CEP57: variants seen among roughly 807,000 people sequenced by gnomAD.
The protein encoded by CEP57 is centrosomal protein 57.
CEP57 carries 40 observed loss-of-function variants against 68.0 expected under a neutral mutation model. The ratio of observed to expected loss-of-function variants is 0.59; its 90% CI spans 0.46 to 0.77. CEP57 has a LOEUF of 0.77. Among genes scored for constraint, CEP57 ranks in the 30% least tolerant of loss-of-function variants. The pLI is 0.00. For synonymous variants in CEP57, 219 were observed against 198.7 expected, an observed-to-expected ratio of 1.10 and a Z score of -0.86; for missense variants, 606 against 580.7, an observed-to-expected ratio of 1.04 and a Z score of -0.45.
At chr11:95,828,115 C>G in intron 9 of CEP57, 88 bp downstream of exon 9, 3 of 1,466,540 alleles carry the variant, frequency 2.0e-6, no homozygotes, top group Admixed American at 2.1e-5. Flanking sequence ...TCTTACTTTC[C>G]TTTGTTGAGC....
chr11:95,824,129 C>T (rs1476454239), intron 8 of CEP57, among the ~76,000 whole-genome samples: 1 of 151,308 alleles, frequency 6.6e-6, no homozygotes, highest in Non-Finnish European at 1.5e-5. Context: ...ACCTGTGGTC[C>T]CAGCTACTCA....
intron 4 of CEP57, 125 bp downstream of exon 4, chr11:95,813,714 G>A: frequency 1.8e-6 from 2 of 1,138,224 alleles, no homozygotes. Context: ...AAATTTCTTG[G>A]CATCAGTTAT....
intron 2 of CEP57, among the ~76,000 whole-genome samples, chr11:95,808,369 A>G (rs2135297711): frequency 6.6e-6 from 1 of 152,342 alleles, no homozygotes; most frequent in South Asian, 2.1e-4. Context: ...ACATAACAAT[A>G]TTAACCTTAA....
At chr11:95,829,445 AC>A in intron 10 of CEP57, 114 bp downstream of exon 10, 1 of 1,082,172 alleles carries the variant, frequency 9.2e-7, no homozygotes, top group Non-Finnish European at 1.4e-6. Context: ...TACAGGAGAT[AC>A]TTCTTTACTG....
At chr11:95,793,551 C>CTT (rs34130166) in intron 1 of CEP57, among the ~76,000 whole-genome samples, 90,349 of 151,840 alleles carry the variant, frequency 0.6, 29,079 homozygotes, top group African/African-American at 0.86. Flanking sequence ...TCATGTTCCT[C>CTT]TGTGTCTTCT....
At chr11:95,794,405 C>A in intron 1 of CEP57, 1 of 443,410 alleles carries the variant, frequency 2.3e-6, no homozygotes. Flanking sequence ...ATTGTTTTAC[C>A]AAGTGATTAT....
rs149993947 is a variant in CEP57, at chr11:95,823,570, T to G, written c.885+994T>G. Among the ~76,000 whole-genome samples the G allele has an allele frequency of 2.1e-3, 322 of 152,016 alleles. 4 individuals carry two copies. The highest frequency in any genetic ancestry group is 7.3e-3 in the African/African-American group (300 of 41,306). ...TACACAAGTTTTTTTTAATTATAAT[T>G]TATCAAAACAATTTGCACACAGACT... On this transcript the variant is annotated intron_variant, in intron 8 of 10. Coordinates refer to ENST00000325542, the MANE Select transcript of CEP57 (RefSeq NM_014679.5).
intron 3 of CEP57, 80 bp from the exon 4 acceptor site, chr11:95,813,388 A>G: frequency 6.5e-7 from 1 of 1,530,090 alleles, no homozygotes; most frequent in Non-Finnish European, 8.9e-7. Flanking sequence ...TATACACAAT[A>G]GATCCAATTC....
At chr11:95,801,747 G>A (rs919509934) in intron 2 of CEP57, among the ~76,000 whole-genome samples, 1 of 151,642 alleles carries the variant, frequency 6.6e-6, no homozygotes, top group Non-Finnish European at 1.5e-5. Context: ...TTTTAGCACA[G>A]CATGTTACTA....
intron 9 of CEP57, among the ~76,000 whole-genome samples, 169 bp from the exon 10 acceptor site, chr11:95,829,018 G>A (rs1156318232): frequency 6.6e-6 from 1 of 151,432 alleles, no homozygotes; most frequent in Admixed American, 6.6e-5. Flanking sequence ...CTCCAGCCTG[G>A]GCGACAGAGC....
At chr11:95,805,191 G>C (rs1360606201) in intron 2 of CEP57, among the ~76,000 whole-genome samples, 6 of 152,198 alleles carry the variant, frequency 3.9e-5, no homozygotes, top group Non-Finnish European at 4.4e-5. Context: ...TAGTGAATTT[G>C]CCTCTGATTC....
chr11:95,824,552 G>A lies in CEP57; in HGVS notation c.885+1976G>A, dbSNP rs184823363. Among the ~76,000 whole-genome samples, 257 of 152,318 alleles carry A rather than the reference G, an allele frequency of 1.7e-3. 4 individuals are homozygous for A. Among genetic ancestry groups the A allele is most frequent in the African/African-American group, 5.8e-3 (242 of 41,568 alleles). ...CTTTAAAAATGTCAAGATAGGAGAA[G>A]CAGCTTCTGCTGACCAAGAGGCAGC... On this transcript the variant is annotated intron_variant, in intron 8 of 10. Transcript: ENST00000325542.
At chr11:95,800,548 C>G (rs867808147) in intron 2 of CEP57, among the ~76,000 whole-genome samples, 2 of 151,956 alleles carry the variant, frequency 1.3e-5, no homozygotes, top group African/African-American at 4.8e-5. Flanking sequence ...ACTACAGACG[C>G]GCCCAGCTAG....
Position 95,821,909 on chromosome 11 carries a change from A to C in CEP57, c.738A>C (p.Glu246Asp). The C allele has an allele frequency of 6.2e-7, 1 of 1,612,610 alleles. No homozygotes were observed. The highest frequency in any genetic ancestry group is 1.1e-5 in the South Asian group (1 of 91,022). ...TGLETNRLIF[E>D]DKATPCVPNA... ...TAGAAACAAATAGACTTATCTTTGA[A>C]GATAAGGCAACTCCGTGTGTTCCCA... The change falls in exon 7 of 11, where the codon GAA becomes GAC. Residue 246 changes from glutamate (E) to aspartate (D), a missense_variant. Physicochemically the swap from Glu to Asp is conservative, Grantham distance 45. Coordinates refer to ENST00000325542, the MANE Select transcript of CEP57 (RefSeq NM_014679.5).
At chr11:95,815,911 C>A (rs1487045559) in intron 4 of CEP57, among the ~76,000 whole-genome samples, 1 of 152,166 alleles carries the variant, frequency 6.6e-6, no homozygotes, top group Non-Finnish European at 1.5e-5. Flanking sequence ...TTTATGTACC[C>A]TGGCTCCAAT....
intron 6 of CEP57, among the ~76,000 whole-genome samples, chr11:95,821,231 G>GA: frequency 1.3e-5 from 2 of 152,194 alleles, no homozygotes; most frequent in South Asian, 4.1e-4. Flanking sequence ...TTTTAAAAAG[G>GA]AAAGTTGAAA....
chr11:95,811,671 T>C (rs1477828508), intron 2 of CEP57, among the ~76,000 whole-genome samples: 1 of 151,284 alleles, frequency 6.6e-6, no homozygotes, highest in Non-Finnish European at 1.5e-5. Flanking sequence ...TAAAGGCAGA[T>C]AATAAAATGA....
chr11:95,812,370 A>G (rs1218028924), intron 2 of CEP57, among the ~76,000 whole-genome samples: 4 of 152,116 alleles, frequency 2.6e-5, no homozygotes, highest in South Asian at 2.1e-4. Context: ...TTTTTTTACC[A>G]TAGTAATGGG....
chr11:95,827,682 C>T (rs964569782), intron 8 of CEP57, 104 bp from the exon 9 acceptor site: 87 of 1,291,060 alleles, frequency 6.7e-5, no homozygotes, highest in Non-Finnish European at 9.0e-5. Flanking sequence ...TTTATATACT[C>T]TACTTTAGGG....
Sources: allele counts gnomAD v4.1 joint callset (sites outside exome capture counted in the v4.1 genomes callset), GRCh38; gene constraint gnomAD v4.1.1; transcripts MANE v1.5; gene names NCBI Gene and HGNC (gene_info 2026-07-23, HGNC 2026-07-21).